Variants in TCN2 observed in about 807,000 individuals in gnomAD.
TCN2 encodes transcobalamin 2.
A neutral mutation model predicts 48.6 loss-of-function variants in TCN2; 34 were observed. That is an observed-to-expected ratio of 0.70 (90% CI 0.53 to 0.93). The LOEUF (loss-of-function observed/expected upper bound fraction) is 0.93, where lower values mean the gene tolerates loss of function less well. Ranked by LOEUF, TCN2 falls within the 40% of genes least tolerant of loss-of-function variation. The pLI is 0.00. For missense variants in TCN2, 652 were observed against 526.1 expected, an observed-to-expected ratio of 1.24 and a Z score of -2.34; for synonymous variants, 283 against 212.5, an observed-to-expected ratio of 1.33 and a Z score of -2.89.
At chr22:30,623,188 C>T (rs1286417088) in intron 8 of TCN2, 105 bp downstream of exon 8, 19 of 1,051,860 alleles carry the variant, frequency 1.8e-5, no homozygotes, top group African/African-American at 3.2e-5. Flanking sequence ...TCCTGGGCCA[C>T]ACCTTCACAA....
intron 1 of TCN2, among the ~76,000 whole-genome samples, chr22:30,608,654 T>G (rs1013649753): frequency 4.6e-5 from 7 of 152,052 alleles, no homozygotes; most frequent in Admixed American, 3.9e-4. Flanking sequence ...CCTCCCAAAT[T>G]GCTGAGATTA....
chr22:30,618,471 C>T (rs751440412), intron 7 of TCN2, among the ~76,000 whole-genome samples: 1 of 152,132 alleles, frequency 6.6e-6, no homozygotes, highest in Non-Finnish European at 1.5e-5. Context: ...CCTGCCTCAG[C>T]CTCCTGAGTA....
chr22:30,615,619 A>G lies in TCN2; in HGVS notation c.772A>G (p.Met258Val), dbSNP rs781666065. 1.4e-5 allele frequency: 23 copies of G among 1,614,006 alleles called. No homozygotes were observed. Among genetic ancestry groups the G allele is most frequent in the African/African-American group, 4.0e-5 (3 of 75,002 alleles). ...LALQFLMTSP[M>V]RGAELGTACL... ...TCACCAGTTCCTCATGACTTCCCCCATGCGTGGGGCAGAACTGGGAACAGC... is the reference window on the plus strand; with the variant it reads ...TCACCAGTTCCTCATGACTTCCCCCGTGCGTGGGGCAGAACTGGGAACAGC... Residue 258 changes from methionine to valine, a missense_variant, in exon 6 of 9, where the codon ATG becomes GTG. Met to Val is a conservative substitution (Grantham distance 21). Transcript: ENST00000215838.
chr22:30,612,885 C>A lies in TCN2; in HGVS notation c.270C>A (p.Ser90Arg). 1 of 1,613,746 alleles carries A rather than the reference C, an allele frequency of 6.2e-7. No individual in the cohort carries two copies. Among genetic ancestry groups the A allele is most frequent in the Non-Finnish European group, 8.5e-7 (1 of 1,180,014 alleles). ...YQQCLLGSAF[S>R]EDDGDCQGKP... ...GGCCTTGTCCTAGGTCTGCCTTCAG[C>A]GAGGATGACGGTGACTGCCAGGGCA... The change falls in exon 3 of 9, where the codon AGC (serine) becomes AGA (arginine). Residue 90 changes from serine (S) to arginine (R), a missense_variant. Coordinates refer to ENST00000215838, the MANE Select transcript of TCN2 (RefSeq NM_000355.4).
Position 30,615,669 on chromosome 22 carries a change from G to C in TCN2, c.822G>C (p.Leu274Phe). 6.2e-7 allele frequency: 1 copy of C among 1,614,226 alleles called. No individual in the cohort carries two copies. The highest frequency in any genetic ancestry group is 8.5e-7 in the Non-Finnish European group (1 of 1,180,048). The change falls in exon 6 of 9, where the codon TTG becomes TTC. Residue 274 changes from leucine to phenylalanine, a missense_variant. Transcript: ENST00000215838. ...GTACLKARVALLASLQDGAFQ... is the reference protein window; with the variant it reads ...GTACLKARVAFLASLQDGAFQ... ...CATGTCTCAAGGCGAGGGTTGCTTT[G>C]CTGGCCAGTCTGCAGGATGGAGCCT...
chr22:30,611,036 A>G lies in TCN2; in HGVS notation c.230A>G (p.Lys77Arg), dbSNP rs75680863. The G allele has an allele frequency of 1.2e-6, 2 of 1,613,958 alleles. No homozygotes were observed. Among genetic ancestry groups the G allele is most frequent in the African/African-American group, 2.7e-5 (2 of 74,910 alleles). Residue 77 changes from lysine to arginine, a missense_variant, in exon 2 of 9, where the codon AAG (lysine) becomes AGG (arginine). Physicochemically the swap from Lys to Arg is conservative, Grantham distance 26. Transcript: ENST00000215838. Reference sequence around the variant, plus strand: ...GAAGACCTCTACCTGCACAGCCTCAAGCTTGGTTACCAGCAGTGCCTCCTA... The same window carrying G: ...GAAGACCTCTACCTGCACAGCCTCAGGCTTGGTTACCAGCAGTGCCTCCTA... Reference protein sequence around the residue: ...TKEDLYLHSLKLGYQQCLLGS... With the variant: ...TKEDLYLHSLRLGYQQCLLGS...
intron 2 of TCN2, 74 bp from the exon 3 acceptor site, chr22:30,612,799 G>T (rs1032202789): frequency 6.3e-7 from 1 of 1,583,974 alleles, no homozygotes; most frequent in Non-Finnish European, 8.6e-7. Flanking sequence ...TTTGTGATGC[G>T]GGTGGGGTGG....
At chr22:30,625,195 G>A (rs1164452897) in intron 8 of TCN2, among the ~76,000 whole-genome samples, 1 of 152,152 alleles carries the variant, frequency 6.6e-6, no homozygotes, top group Non-Finnish European at 1.5e-5. Context: ...TTCAGCCTGG[G>A]CAACAAGAGT....
At chr22:30,614,262 A>C in intron 3 of TCN2, 87 bp from the exon 4 acceptor site, 1 of 1,558,176 alleles carries the variant, frequency 6.4e-7, no homozygotes, top group Non-Finnish European at 8.7e-7. Flanking sequence ...AGCGTGTTGG[A>C]AAGTGCAGGC....
intron 6 of TCN2, among the ~76,000 whole-genome samples, chr22:30,617,127 A>AT (rs1451974848): frequency 6.6e-6 from 1 of 151,030 alleles, no homozygotes; most frequent in African/African-American, 2.5e-5. Context: ...GGAGGCCGGG[A>AT]TGGAAGCCAG....
At chr22:30,622,573 C>T (rs1258077922) in intron 7 of TCN2, among the ~76,000 whole-genome samples, 1 of 152,162 alleles carries the variant, frequency 6.6e-6, no homozygotes, top group Non-Finnish European at 1.5e-5. Flanking sequence ...TCCCATGACC[C>T]TGCCTGTCTC....
At chr22:30,611,173 T>C in intron 2 of TCN2, 110 bp downstream of exon 2, 1 of 1,351,796 alleles carries the variant, frequency 7.4e-7, no homozygotes, top group Non-Finnish European at 1.1e-6. Flanking sequence ...TAGGCAAATT[T>C]TCTCCATCTA....
At chr22:30,615,023 TC>T (rs547452279) in intron 4 of TCN2, among the ~76,000 whole-genome samples, 281 of 152,296 alleles carry the variant, frequency 1.8e-3, no homozygotes, top group African/African-American at 6.2e-3. Context: ...CCAGTCCTTC[TC>T]CCTAACCTCT....
intron 8 of TCN2, among the ~76,000 whole-genome samples, chr22:30,625,087 G>A (rs919702904): frequency 3.3e-5 from 5 of 152,058 alleles, no homozygotes; most frequent in Non-Finnish European, 5.9e-5. Flanking sequence ...GGGTGGTGGC[G>A]GGCACCTGTA....
chr22:30,608,798 C>G (rs150975667), intron 1 of TCN2, among the ~76,000 whole-genome samples: 31 of 152,302 alleles, frequency 2.0e-4, no homozygotes, highest in African/African-American at 7.5e-4. Context: ...CAGGGGAGTT[C>G]TGGGTTCAAC....
chr22:30,611,328 A>G lies in TCN2; in HGVS notation c.257+265A>G, dbSNP rs545999100. Among the ~76,000 whole-genome samples, 10 of 152,360 alleles carry G rather than the reference A, an allele frequency of 6.6e-5. No homozygotes were observed. The South Asian group carries it at 1.7e-3, about 25-fold the overall frequency. On this transcript the variant is annotated intron_variant, in intron 2 of 8. Transcript: ENST00000215838. ...TAATCCGTGACTATACTCTTTGATG[A>G]TGAGCCCAGGAGCAGCATCTGACTC...
chr22:30,613,093 AGAT>A, intron 3 of TCN2, 51 bp downstream of exon 3: 1 of 1,602,054 alleles, frequency 6.2e-7, no homozygotes, highest in Non-Finnish European at 8.5e-7. Context: ...AGGGCTCATC[AGAT>A]GATATTCTCC....
At chr22:30,612,245 TA>T (rs34767507) in intron 2 of TCN2, among the ~76,000 whole-genome samples, 6,430 of 142,782 alleles carry the variant, frequency 0.045, 305 homozygotes, top group East Asian at 0.25. Flanking sequence ...CCTATCTCAG[TA>T]AAAAAAAAAA....
chr22:30,623,911 T>C (rs868596000), intron 8 of TCN2, among the ~76,000 whole-genome samples: 484 of 45,998 alleles, frequency 0.011, 139 homozygotes, highest in South Asian at 0.04. Context: ...TACATATATA[T>C]ACACACATAT....
Sources: allele counts gnomAD v4.1 joint callset (sites outside exome capture counted in the v4.1 genomes callset), GRCh38; gene constraint gnomAD v4.1.1; transcripts MANE v1.5; gene names NCBI Gene and HGNC (gene_info 2026-07-23, HGNC 2026-07-21).